PIP4K2A: variants seen among roughly 807,000 people sequenced by gnomAD.
The protein encoded by PIP4K2A is phosphatidylinositol-5-phosphate 4-kinase type 2 alpha, also known as phosphatidylinositol 5-phosphate 4-kinase type-2 alpha.
A neutral mutation model predicts 42.9 loss-of-function variants in PIP4K2A; 14 were observed. That is an observed-to-expected ratio of 0.33 (90% confidence interval 0.22 to 0.51). The LOEUF is 0.51. PIP4K2A is among the 20% of genes least tolerant of loss of function. The pLI, the probability that PIP4K2A is intolerant of heterozygous loss-of-function variation, is 0.97. For missense variants in PIP4K2A, 434 were observed against 519.8 expected, an observed-to-expected ratio of 0.83 and a Z score of 1.61; for synonymous variants, 192 against 192.2, an observed-to-expected ratio of 1.00 and a Z score of 0.01.
At chr10:22,630,597 T>C (rs898443480) in intron 1 of PIP4K2A, among the ~76,000 whole-genome samples, 13 of 152,232 alleles carry the variant, frequency 8.5e-5, no homozygotes, top group African/African-American at 3.1e-4. Flanking sequence ...GTTCTAGAAC[T>C]GCTGTATTTA....
intron 7 of PIP4K2A, among the ~76,000 whole-genome samples, chr10:22,545,598 A>T (rs564033038): frequency 2.6e-4 from 40 of 152,388 alleles, no homozygotes; most frequent in African/African-American, 9.6e-4. Context: ...AACTCCTAGC[A>T]CAACCCAAAA....
At chr10:22,579,592 A>G (rs1277092069) in intron 4 of PIP4K2A, among the ~76,000 whole-genome samples, 1 of 152,110 alleles carries the variant, frequency 6.6e-6, no homozygotes, top group African/African-American at 2.4e-5. Flanking sequence ...CCAACCACAG[A>G]GGAACTTGCT....
chr10:22,685,544 A>G (rs1455132977), intron 1 of PIP4K2A, among the ~76,000 whole-genome samples: 1 of 152,080 alleles, frequency 6.6e-6, no homozygotes, highest in Non-Finnish European at 1.5e-5. Flanking sequence ...AAAACAAACA[A>G]ACAAACAAAA....
At chr10:22,613,442 C>T (rs12260400) in intron 1 of PIP4K2A, among the ~76,000 whole-genome samples, 1 of 151,882 alleles carries the variant, frequency 6.6e-6, no homozygotes, top group Non-Finnish European at 1.5e-5. Flanking sequence ...AGGAGGGAAG[C>T]GACTTTCCTG....
At position 22,648,774 on chromosome 10, in the gene PIP4K2A, G is replaced by A. The variant is rs1040994252; in HGVS notation, c.145-39057C>T. Among the ~76,000 whole-genome samples, 3 of 152,286 alleles carry A rather than the reference G, an allele frequency of 2.0e-5. No individual in the cohort carries two copies. In the South Asian group the frequency reaches 6.2e-4, roughly 32 times the overall value. On this transcript the variant is annotated intron_variant, in intron 1 of 9. Coordinates refer to ENST00000376573, the MANE Select transcript of PIP4K2A (RefSeq NM_005028.5). ...TAAAACATACTCCCAAGCTTAATGA[G>A]CAAGAAGCAACTTTGCCAGACCACA...
chr10:22,584,497 G>A (rs7099102), intron 4 of PIP4K2A, among the ~76,000 whole-genome samples: 138,258 of 152,128 alleles, frequency 0.91, 63,005 homozygotes, highest in African/African-American at 0.97. Context: ...AAACAGAAGG[G>A]GAGAGGTGAG....
chr10:22,658,185 G>A (rs971348845), intron 1 of PIP4K2A, among the ~76,000 whole-genome samples: 1 of 152,188 alleles, frequency 6.6e-6, no homozygotes, highest in African/African-American at 2.4e-5. Flanking sequence ...CTTTGAATAT[G>A]TGGCATCAAA....
At chr10:22,548,322 A>C (rs532338356) in intron 7 of PIP4K2A, among the ~76,000 whole-genome samples, 1 of 152,232 alleles carries the variant, frequency 6.6e-6, no homozygotes, top group African/African-American at 2.4e-5. Flanking sequence ...AGAGTCCTCT[A>C]ATCAATGGTA....
intron 6 of PIP4K2A, among the ~76,000 whole-genome samples, chr10:22,555,129 C>G (rs570385762): frequency 1.1e-3 from 173 of 152,340 alleles, no homozygotes; most frequent in African/African-American, 4.0e-3. Flanking sequence ...CACTGTCATA[C>G]GGAGTGATGC....
chr10:22,644,825 T>C (rs1442522177), intron 1 of PIP4K2A, among the ~76,000 whole-genome samples: 1 of 152,188 alleles, frequency 6.6e-6, no homozygotes, highest in East Asian at 1.9e-4. Context: ...GCCATAAATA[T>C]TCAATAAATA....
chr10:22,578,578 G>C (rs1045580583), intron 4 of PIP4K2A, among the ~76,000 whole-genome samples: 1 of 151,972 alleles, frequency 6.6e-6, no homozygotes, highest in Non-Finnish European at 1.5e-5. Flanking sequence ...CCCATTGTCA[G>C]GGCCCTGACC....
chr10:22,677,933 C>G (rs2130872419), intron 1 of PIP4K2A, among the ~76,000 whole-genome samples: 1 of 152,222 alleles, frequency 6.6e-6, no homozygotes, highest in South Asian at 2.1e-4. Flanking sequence ...ATATAATAGG[C>G]CACTAAGGGC....
rs140654117 is a variant in PIP4K2A at position 22,570,397 on chromosome 10, G to C, written c.640-2508C>G. On this transcript the variant is annotated intron_variant, in intron 5 of 9. Transcript: ENST00000376573. ...CCCTGGGGAAGTCAGACAGAGTCCT[G>C]TGTGCTCTGAGCAGTACCGCCAAGG... 5.7e-3 allele frequency among the ~76,000 whole-genome samples: 871 copies of C among 152,370 alleles called. 6 individuals carry two copies. Among genetic ancestry groups the C allele is most frequent in the African/African-American group, 0.019 (772 of 41,592 alleles).
At chr10:22,664,204 CATATATATATAT>C (rs142690116) in intron 1 of PIP4K2A, among the ~76,000 whole-genome samples, 580 of 47,624 alleles carry the variant, frequency 0.012, 55 homozygotes, top group African/African-American at 0.076. Context: ...TATATATATA[CATATATATATAT>C]ACATATATAT....
chr10:22,607,557 A>G (rs965387842), intron 3 of PIP4K2A, among the ~76,000 whole-genome samples: 2 of 152,168 alleles, frequency 1.3e-5, no homozygotes, highest in African/African-American at 4.8e-5. Flanking sequence ...AGCCTCTACG[A>G]AGATACAAAA....
intron 1 of PIP4K2A, among the ~76,000 whole-genome samples, chr10:22,632,676 C>T (rs1418209131): frequency 6.6e-6 from 1 of 152,078 alleles, no homozygotes; most frequent in Non-Finnish European, 1.5e-5. Flanking sequence ...GCTCAGTGCC[C>T]CTTCATTGTT....
Position 22,663,578 on chromosome 10 carries a change from A to G in PIP4K2A, c.144+50605T>C, listed in dbSNP as rs536096277. 7.2e-4 allele frequency among the ~76,000 whole-genome samples: 109 copies of G among 152,316 alleles called. 1 individual carries two copies. The highest frequency in any genetic ancestry group is 2.5e-3 in the African/African-American group (105 of 41,560). On this transcript the variant is annotated intron_variant, in intron 1 of 9. Coordinates refer to ENST00000376573, the MANE Select transcript of PIP4K2A (RefSeq NM_005028.5). ...ATTTCATTAAAAGTTTGGGGCTTAT[A>G]TCAGAAAGCTAAAAGAATACGAAGA...
intron 1 of PIP4K2A, among the ~76,000 whole-genome samples, chr10:22,688,765 T>A (rs1839807006): frequency 6.6e-6 from 1 of 152,194 alleles, no homozygotes; most frequent in African/African-American, 2.4e-5. Context: ...AATGTTTTAC[T>A]CACAGAAGTT....
At chr10:22,544,337 T>C (rs1485991184) in intron 7 of PIP4K2A, among the ~76,000 whole-genome samples, 1 of 152,020 alleles carries the variant, frequency 6.6e-6, no homozygotes, top group Non-Finnish European at 1.5e-5. Flanking sequence ...TGGGGGTGCT[T>C]ATGGTGGGCC....
Sources: gnomAD v4.1 joint callset for allele counts (sites outside exome capture counted in the v4.1 genomes callset) on GRCh38, gnomAD v4.1.1 for gene constraint, MANE v1.5 for transcripts, NCBI Gene and HGNC (gene_info 2026-07-23, HGNC 2026-07-21) for gene names.